Variants in CTNND2 observed in about 807,000 individuals in gnomAD.
CTNND2 encodes the protein catenin delta-2.
Under a neutral mutation model 144.4 loss-of-function variants are expected in CTNND2, and 22 were observed. The ratio of observed to expected loss-of-function variants is 0.15; its 90% CI spans 0.11 to 0.22. The LOEUF (loss-of-function observed/expected upper bound fraction) is 0.22. Among genes scored for constraint, CTNND2 ranks in the 10% least tolerant of loss-of-function variants. The pLI, the probability that CTNND2 is intolerant of heterozygous loss-of-function variation, is 1.00. For missense variants in CTNND2, 1,353 were observed against 1,618.8 expected, an observed-to-expected ratio of 0.84 and a Z score of 2.82; for synonymous variants, 751 against 695.6, an observed-to-expected ratio of 1.08 and a Z score of -1.25.
chr5:11,294,177 CAAA>C (rs34764407), intron 9 of CTNND2, among the ~76,000 whole-genome samples: 4 of 133,190 alleles, frequency 3.0e-5, no homozygotes, highest in Non-Finnish European at 1.6e-5. Flanking sequence ...GTCACAATCT[CAAA>C]AAAAAAAAAA....
intron 1 of CTNND2, among the ~76,000 whole-genome samples, chr5:11,792,235 C>T (rs1791171974): frequency 6.6e-6 from 1 of 151,938 alleles, no homozygotes; most frequent in Admixed American, 6.6e-5. Context: ...AATGTTCTAC[C>T]CTCAAAAACT....
intron 9 of CTNND2, among the ~76,000 whole-genome samples, chr5:11,306,633 T>G (rs895376736): frequency 5.9e-5 from 9 of 152,188 alleles, no homozygotes; most frequent in African/African-American, 2.2e-4. Flanking sequence ...AACTTACAGG[T>G]TGACCTTGGG....
At chr5:11,413,020 G>A (rs556232729) in intron 3 of CTNND2, among the ~76,000 whole-genome samples, 1 of 152,286 alleles carries the variant, frequency 6.6e-6, no homozygotes, top group South Asian at 2.1e-4. Context: ...ATAAATCAAT[G>A]TTCAGAAAGG....
At chr5:11,551,299 C>A (rs924456903) in intron 3 of CTNND2, among the ~76,000 whole-genome samples, 1 of 152,012 alleles carries the variant, frequency 6.6e-6, no homozygotes, top group African/African-American at 2.4e-5. Context: ...CATTTCTTTC[C>A]CTGCCAATAT....
intron 2 of CTNND2, among the ~76,000 whole-genome samples, chr5:11,650,095 C>T (rs894700220): frequency 2.0e-5 from 3 of 152,128 alleles, no homozygotes; most frequent in African/African-American, 7.2e-5. Context: ...ATTGTAATCC[C>T]CAATGTTGGA....
At chr5:11,198,658 A>C (rs1199019745) in intron 11 of CTNND2, among the ~76,000 whole-genome samples, 2 of 152,226 alleles carry the variant, frequency 1.3e-5, no homozygotes, top group Non-Finnish European at 2.9e-5. Flanking sequence ...TTTTTGATGA[A>C]CTGAAAACCA....
chr5:11,879,359 A>G (rs1735844649), intron 1 of CTNND2, among the ~76,000 whole-genome samples: 4 of 144,190 alleles, frequency 2.8e-5, no homozygotes, highest in South Asian at 4.5e-4. Context: ...ATATATATAC[A>G]TATACACACA....
In CTNND2 at chr5:11,274,043, T is replaced by A. The variant is rs142021728; in HGVS notation, c.1629-37220A>T. Among the ~76,000 whole-genome samples the A allele has an allele frequency of 3.3e-4, 50 of 152,258 alleles. No individual in the cohort carries two copies. In the Middle Eastern group the frequency reaches 0.024, roughly 73 times the overall value. ...TATTTCGACTGCTCCTGCTTCATGCTCTCCTTGTCTCCTGCTCTCATAAAG... is the reference window on the plus strand; with the variant it reads ...TATTTCGACTGCTCCTGCTTCATGCACTCCTTGTCTCCTGCTCTCATAAAG... On this transcript the variant is annotated intron_variant, in intron 9 of 21. Transcript: ENST00000304623.
At chr5:11,079,250 G>C (rs1749283465) in intron 16 of CTNND2, among the ~76,000 whole-genome samples, 1 of 152,192 alleles carries the variant, frequency 6.6e-6, no homozygotes. Flanking sequence ...ATTTCTCCCA[G>C]TTCCCAAGAT....
chr5:11,663,180 C>T (rs767752787), intron 2 of CTNND2, among the ~76,000 whole-genome samples: 3 of 152,086 alleles, frequency 2.0e-5, no homozygotes, highest in Non-Finnish European at 4.4e-5. Flanking sequence ...GTAAAGTGGT[C>T]GTGGCATCAT....
At chr5:11,725,545 C>T (rs1359873349) in intron 2 of CTNND2, among the ~76,000 whole-genome samples, 1 of 152,076 alleles carries the variant, frequency 6.6e-6, no homozygotes, top group Non-Finnish European at 1.5e-5. Context: ...AGAAAAATAT[C>T]AGACAACACA....
At chr5:11,324,965 T>G (rs2150074137) in intron 9 of CTNND2, among the ~76,000 whole-genome samples, 1 of 145,538 alleles carries the variant, frequency 6.9e-6, no homozygotes, top group African/African-American at 2.5e-5. Flanking sequence ...TTTTTTTTTG[T>G]CTAAAGAGTG....
Position 11,357,324 on chromosome 5 carries a change from T to C in CTNND2, c.1372+7372A>G, listed in dbSNP as rs549527663. On this transcript the variant is annotated intron_variant, in intron 8 of 21. Transcript: ENST00000304623. ...ATGGATAGAGAAAATGTAACACATA[T>C]ACAAAACAGAATACTATTCAGACAT... Among the ~76,000 whole-genome samples, 11 of 152,216 alleles carry C rather than the reference T, an allele frequency of 7.2e-5. No homozygotes were observed. The South Asian group carries it at 1.2e-3, about 17-fold the overall frequency.
chr5:11,617,803 C>G (rs1440757865), intron 2 of CTNND2, among the ~76,000 whole-genome samples: 1 of 152,148 alleles, frequency 6.6e-6, no homozygotes, highest in Non-Finnish European at 1.5e-5. Flanking sequence ...TTCACATTCT[C>G]AATTTCCCAG....
chr5:11,602,356 A>C (rs1300326889), intron 2 of CTNND2, among the ~76,000 whole-genome samples: 1 of 151,976 alleles, frequency 6.6e-6, no homozygotes, highest in Non-Finnish European at 1.5e-5. Context: ...AAGAACACAA[A>C]TGAATATTTC....
intron 2 of CTNND2, among the ~76,000 whole-genome samples, chr5:11,599,553 A>G (rs983984626): frequency 2.6e-5 from 4 of 152,136 alleles, no homozygotes. Flanking sequence ...CTTCTCAAAC[A>G]TGACATCCAT....
intron 3 of CTNND2, among the ~76,000 whole-genome samples, chr5:11,414,021 G>C (rs1387244056): frequency 6.6e-6 from 1 of 152,142 alleles, no homozygotes; most frequent in African/African-American, 2.4e-5. Context: ...CTTCAGATGA[G>C]GTCATCCTGG....
chr5:10,994,480 AAGGAGGGGCGGGGT>A (rs2149503843), intron 18 of CTNND2, among the ~76,000 whole-genome samples: 1 of 35,218 alleles, frequency 2.8e-5, no homozygotes, highest in Admixed American at 3.6e-4. Context: ...GGGGGCGGGG[AAGGAGGGGCGGGGT>A]GGGTATAGAA....
In CTNND2 at chr5:11,020,354, GAACTT is replaced by G. The variant is rs1742110531; in HGVS notation, c.3000-2301_3000-2297del. Among the ~76,000 whole-genome samples, 8 of 152,166 alleles carry G rather than the reference GAACTT, an allele frequency of 5.3e-5. No individual in the cohort carries two copies. The South Asian group carries it at 1.7e-3, about 32-fold the overall frequency. The stretch of plus-strand genomic sequence containing the variant: ...CACAAATAAAAATCAGGTTTGAACT[GAACTT>G]ATTTCTAGAAATAAGTTTTTAAGGA... On this transcript the variant is annotated intron_variant, in intron 17 of 21. Transcript: ENST00000304623.
Sources: gnomAD v4.1 joint callset for allele counts (sites outside exome capture counted in the v4.1 genomes callset) on GRCh38, gnomAD v4.1.1 for gene constraint, MANE v1.5 for transcripts, NCBI Gene and HGNC (gene_info 2026-07-23, HGNC 2026-07-21) for gene names.